COL4A5: variants seen among roughly 807,000 people sequenced by gnomAD.
The protein encoded by COL4A5 is collagen type IV alpha 5 chain.
COL4A5 carries 26 observed loss-of-function variants against 130.2 expected under a neutral mutation model. The ratio of observed to expected loss-of-function variants is 0.20; its 90% confidence interval spans 0.15 to 0.28. The LOEUF (loss-of-function observed/expected upper bound fraction) is 0.28. COL4A5 is among the 10% of genes least tolerant of loss of function. The pLI, the probability that COL4A5 is intolerant of heterozygous loss-of-function variation, is 1.00. For missense variants in COL4A5, 1,131 were observed against 1,344.3 expected (o/e 0.84, Z 2.48); for synonymous variants, 496 against 439.6 (o/e 1.13, Z -1.60).
At chrX:108,537,458 AGT>A (rs1249714259) in intron 1 of COL4A5, among the ~76,000 whole-genome samples, 9 of 111,770 alleles carry the variant, frequency 8.1e-5, no homozygotes, top group African/African-American at 2.3e-4. Context: ...GACATGCGAG[AGT>A]ATTTAAGGTT....
At chrX:108,691,887 A>T (rs2068643806) in intron 49 of COL4A5, among the ~76,000 whole-genome samples, 1 of 111,906 alleles carries the variant, frequency 8.9e-6, no homozygotes, top group Non-Finnish European at 1.9e-5. Flanking sequence ...AACACCATAA[A>T]TGAAAACTGG....
At chrX:108,655,540 A>G in intron 37 of COL4A5, 83 bp downstream of exon 37, 1 of 1,083,360 alleles carries the variant, frequency 9.2e-7, no homozygotes, top group South Asian at 1.9e-5. Flanking sequence ...CTTATTTGGC[A>G]GACTTATATT....
At chrX:108,511,746 A>G (rs766813716) in intron 1 of COL4A5, among the ~76,000 whole-genome samples, 1 of 112,180 alleles carries the variant, frequency 8.9e-6, no homozygotes, top group African/African-American at 3.2e-5. Context: ...GGAAAACTGA[A>G]TATCAGGTGC....
chrX:108,636,031 C>T (rs2067346911), intron 36 of COL4A5, among the ~76,000 whole-genome samples: 1 of 112,039 alleles, frequency 8.9e-6, no homozygotes, highest in African/African-American at 3.2e-5. Flanking sequence ...ATGTTCACTA[C>T]TTGGGCAATG....
intron 2 of COL4A5, among the ~76,000 whole-genome samples, chrX:108,557,978 G>C (rs1047077117): frequency 3.7e-4 from 40 of 108,243 alleles, no homozygotes; most frequent in Non-Finnish European, 7.3e-4. Context: ...CACAACTGCA[G>C]GTTTGTTACA....
At chrX:108,674,486 T>C (rs2068266579) in intron 42 of COL4A5, 1 of 281,304 alleles carries the variant, frequency 3.6e-6, no homozygotes, top group Admixed American at 6.2e-5. Flanking sequence ...GAGTTTTCTA[T>C]TTTCTGGATT....
At chrX:108,629,118 T>C (rs1260962707) in intron 36 of COL4A5, among the ~76,000 whole-genome samples, 1 of 111,508 alleles carries the variant, frequency 9.0e-6, no homozygotes, top group Non-Finnish European at 1.9e-5. Flanking sequence ...GGTGTGAGCA[T>C]ACCTGACATG....
At chrX:108,598,474 G>A (rs995537975) in intron 24 of COL4A5, among the ~76,000 whole-genome samples, 2 of 111,697 alleles carry the variant, frequency 1.8e-5, no homozygotes, top group Admixed American at 1.9e-4. Flanking sequence ...GTGTATTTTT[G>A]TTTTCTGTTG....
chrX:108,483,035 C>T (rs1413292497), intron 1 of COL4A5, among the ~76,000 whole-genome samples: 1 of 111,609 alleles, frequency 9.0e-6, no homozygotes, highest in Non-Finnish European at 1.9e-5. Context: ...GTTCTCCATA[C>T]TATTTGAAGT....
chrX:108,540,413 C>G (rs1203227495), intron 2 of COL4A5, among the ~76,000 whole-genome samples: 1 of 111,883 alleles, frequency 8.9e-6, no homozygotes, highest in African/African-American at 3.2e-5. Context: ...GTATTTTTAT[C>G]TAGTCTATGC....
At chrX:108,571,628 C>T (rs2066066318) in intron 7 of COL4A5, among the ~76,000 whole-genome samples, 162 bp downstream of exon 7, 1 of 111,287 alleles carries the variant, frequency 9.0e-6, no homozygotes, top group South Asian at 3.8e-4. Context: ...ATAGCTTTCT[C>T]CTGGGCAAAA....
At chrX:108,508,358 T>G (rs2065146051) in intron 1 of COL4A5, among the ~76,000 whole-genome samples, 1 of 108,690 alleles carries the variant, frequency 9.2e-6, no homozygotes, top group Non-Finnish European at 1.9e-5. Flanking sequence ...ACAATGATAA[T>G]TACAAAACAC....
intron 28 of COL4A5, among the ~76,000 whole-genome samples, chrX:108,603,669 T>A (rs975266621): frequency 4.5e-5 from 5 of 111,628 alleles, no homozygotes; most frequent in Non-Finnish European, 7.5e-5. Flanking sequence ...GCCATTTTTT[T>A]AAATAAGACA....
chrX:108,668,550 T>G, intron 41 of COL4A5, 46 bp downstream of exon 41: 1 of 1,010,429 alleles, frequency 9.9e-7, no homozygotes, highest in Non-Finnish European at 1.3e-6. Flanking sequence ...TTAGTCCATG[T>G]ATTTCGTTTT....
intron 29 of COL4A5, among the ~76,000 whole-genome samples, chrX:108,610,045 T>C (rs1024109960): frequency 9.0e-6 from 1 of 110,622 alleles, no homozygotes; most frequent in Non-Finnish European, 1.9e-5. Context: ...AAATTGTATG[T>C]CTCTTACTGT....
chrX:108,661,508 C>G lies in COL4A5; in HGVS notation c.3374-3999C>G, dbSNP rs138507000. Among the ~76,000 whole-genome samples the G allele has an allele frequency of 1.1e-4, 12 of 111,773 alleles. No individual in the cohort carries two copies. The East Asian group carries it at 3.1e-3, about 29-fold the overall frequency. ...ACATGTTTGCCTATAGATTCTTTAA[C>G]ATATTTATTATAGCTATTTTAAAGA... On this transcript the variant is annotated intron_variant, in intron 37 of 52. Coordinates refer to ENST00000328300, the MANE Select transcript of COL4A5 (RefSeq NM_033380.3).
At chrX:108,543,825 T>A (rs1433804321) in intron 2 of COL4A5, among the ~76,000 whole-genome samples, 1 of 111,924 alleles carries the variant, frequency 8.9e-6, no homozygotes, top group Admixed American at 9.5e-5. Context: ...GTCCTTCACA[T>A]CCCTTGTAAG....
chrX:108,508,047 G>A (rs771673907), intron 1 of COL4A5, among the ~76,000 whole-genome samples: 13 of 111,050 alleles, frequency 1.2e-4, no homozygotes, highest in Non-Finnish European at 2.5e-4. Context: ...GAGCAGTCAG[G>A]CAAGAGAAAG....
intron 3 of COL4A5, among the ~76,000 whole-genome samples, chrX:108,561,783 T>C (rs1190439826): frequency 8.9e-6 from 1 of 112,089 alleles, no homozygotes; most frequent in African/African-American, 3.2e-5. Flanking sequence ...TTTTAACACT[T>C]AACTATAATC....
Sources: allele counts gnomAD v4.1 joint callset (sites outside exome capture counted in the v4.1 genomes callset), GRCh38; gene constraint gnomAD v4.1.1; transcripts MANE v1.5; gene names NCBI Gene and HGNC (gene_info 2026-07-23, HGNC 2026-07-21).